Variants in ITGAV observed in about 807,000 individuals in gnomAD.
ITGAV encodes the protein integrin alpha-V.
A neutral mutation model predicts 143.8 loss-of-function variants in ITGAV; 76 were observed. The ratio of observed to expected loss-of-function variants is 0.53; its 90% CI spans 0.44 to 0.64. The LOEUF (loss-of-function observed/expected upper bound fraction) is 0.64, where lower values mean the gene tolerates loss of function less well. Among genes scored for constraint, ITGAV ranks in the 30% least tolerant of loss-of-function variants. The pLI is 0.00. For synonymous variants in ITGAV, 453 were observed against 446.7 expected, an observed-to-expected ratio of 1.01 and a Z score of -0.18; for missense variants, 1,193 against 1,274.7, an observed-to-expected ratio of 0.94 and a Z score of 0.98.
At chr2:186,666,524 G>A (rs1688901817) in intron 21 of ITGAV, among the ~76,000 whole-genome samples, 180 bp from the exon 22 acceptor site, 1 of 152,094 alleles carries the variant, frequency 6.6e-6, no homozygotes, top group Non-Finnish European at 1.5e-5. Flanking sequence ...TTATGGATTG[G>A]TCCAGGTATA....
At chr2:186,616,708 A>C (rs1181155486) in intron 2 of ITGAV, among the ~76,000 whole-genome samples, 3 of 152,064 alleles carry the variant, frequency 2.0e-5, no homozygotes, top group Non-Finnish European at 4.4e-5. Flanking sequence ...ATTTTATATA[A>C]TTATATATTA....
chr2:186,633,235 A>C, intron 5 of ITGAV, 94 bp from the exon 6 acceptor site: 1 of 666,916 alleles, frequency 1.5e-6, no homozygotes, highest in East Asian at 2.8e-5. Flanking sequence ...TCATGTATAC[A>C]TATACATATA....
intron 2 of ITGAV, among the ~76,000 whole-genome samples, chr2:186,603,796 T>G (rs1196380948): frequency 6.6e-6 from 1 of 152,154 alleles, no homozygotes; most frequent in African/African-American, 2.4e-5. Flanking sequence ...TAAAACAAAT[T>G]TTAAAGAGTC....
rs764258113 is a variant in ITGAV at position 186,625,528 on chromosome 2, T to C, written c.464T>C (p.Val155Ala). 12 of 1,613,914 alleles carry C rather than the reference T, an allele frequency of 7.4e-6. No homozygotes were observed. The Admixed American group carries it at 2.0e-4, about 27-fold the overall frequency. The change falls in exon 4 of 30, where the codon GTT (valine) becomes GCT (alanine). Residue 155 changes from valine (V) to alanine (A), a missense_variant. By Grantham distance (64) the Val-to-Ala change is moderately conservative. Transcript: ENST00000261023. ...GAGATGAAACAGGAGCGAGAGCCTG[T>C]TGGAACATGCTTTCTTCAAGATGGA... ...RTEMKQEREP[V>A]GTCFLQDGTK... is the part of the protein sequence containing the mutation.
At chr2:186,599,369 A>G (rs143848089) in intron 1 of ITGAV, among the ~76,000 whole-genome samples, 42 of 152,258 alleles carry the variant, frequency 2.8e-4, no homozygotes, top group Non-Finnish European at 5.4e-4. Flanking sequence ...AATAACCCCA[A>G]CTGTGTTCTG....
Position 186,603,353 on chromosome 2 carries a change from A to G in ITGAV, c.316+1202A>G, listed in dbSNP as rs61763626. On this transcript the variant is annotated intron_variant, in intron 2 of 29. Coordinates refer to ENST00000261023, the MANE Select transcript of ITGAV (RefSeq NM_002210.5). The stretch of plus-strand genomic sequence containing the variant: ...GAAATATGTCAGTGAAACAGGAATC[A>G]TGATGTGGACTGTTCCATTTGACAT... Among the ~76,000 whole-genome samples, 972 of 152,330 alleles carry G rather than the reference A, an allele frequency of 6.4e-3. 13 individuals carry two copies. Among genetic ancestry groups the G allele is most frequent in the African/African-American group, 0.022 (927 of 41,580 alleles).
intron 2 of ITGAV, among the ~76,000 whole-genome samples, chr2:186,604,322 C>G (rs200135263): frequency 4.6e-5 from 7 of 151,888 alleles, no homozygotes; most frequent in Admixed American, 2.0e-4. Flanking sequence ...ATTTCCTTAT[C>G]GGCATATGAA....
chr2:186,665,532 T>A lies in ITGAV; in HGVS notation c.2166+314T>A, dbSNP rs552808494. Among the ~76,000 whole-genome samples, 8 of 152,190 alleles carry A rather than the reference T, an allele frequency of 5.3e-5. No homozygotes were observed. The East Asian group carries it at 1.5e-3, about 29-fold the overall frequency. On this transcript the variant is annotated intron_variant, in intron 21 of 29. Transcript: ENST00000261023. ...TATTTTACACTGATGCCTTAATGGATCCTGAAAAGCTACTCTGGCAACTAC... is the reference window on the plus strand; with the variant it reads ...TATTTTACACTGATGCCTTAATGGAACCTGAAAAGCTACTCTGGCAACTAC...
chr2:186,607,281 A>G (rs903581665), intron 2 of ITGAV, among the ~76,000 whole-genome samples: 8 of 152,198 alleles, frequency 5.3e-5, no homozygotes, highest in African/African-American at 1.9e-4. Context: ...TTTATGAAAC[A>G]GTCTCAAGAA....
At chr2:186,651,272 T>C (rs1688420984) in intron 14 of ITGAV, among the ~76,000 whole-genome samples, 2 of 152,238 alleles carry the variant, frequency 1.3e-5, no homozygotes, top group Admixed American at 1.3e-4. Context: ...TTCAGATCTT[T>C]ATCATTTTGA....
At chr2:186,628,620 A>G (rs773601276) in intron 4 of ITGAV, among the ~76,000 whole-genome samples, 1 of 152,066 alleles carries the variant, frequency 6.6e-6, no homozygotes, top group Admixed American at 6.6e-5. Flanking sequence ...ACACCACTAC[A>G]CTGCACTATG....
chr2:186,622,485 A>G (rs889168900), intron 3 of ITGAV, 55 bp downstream of exon 3: 38 of 1,152,200 alleles, frequency 3.3e-5, no homozygotes, highest in Non-Finnish European at 2.2e-5. Context: ...ATGTGGAGAC[A>G]CAGAAGGTTT....
At chr2:186,646,382 G>C (rs931557309) in intron 12 of ITGAV, among the ~76,000 whole-genome samples, 3 of 152,170 alleles carry the variant, frequency 2.0e-5, no homozygotes, top group Non-Finnish European at 4.4e-5. Context: ...ATTGGTTTAA[G>C]GTCAGAGCCA....
chr2:186,602,292 C>A, intron 2 of ITGAV, 141 bp downstream of exon 2: 3 of 580,312 alleles, frequency 5.2e-6, no homozygotes, highest in South Asian at 3.3e-5. Flanking sequence ...TAAAGACAAA[C>A]GATTTATTAT....
intron 2 of ITGAV, among the ~76,000 whole-genome samples, chr2:186,602,995 G>C (rs1050240751): frequency 2.6e-5 from 4 of 151,986 alleles, no homozygotes; most frequent in African/African-American, 9.7e-5. Context: ...GATAACAGGA[G>C]AATTTTAGGG....
chr2:186,604,552 G>A (rs545679400), intron 2 of ITGAV, among the ~76,000 whole-genome samples: 52 of 152,278 alleles, frequency 3.4e-4, no homozygotes, highest in African/African-American at 1.2e-3. Context: ...TATATTTAAA[G>A]TTTTGTTAGG....
Position 186,593,705 on chromosome 2 carries a change from G to A in ITGAV, c.185+3182G>A, listed in dbSNP as rs188368189. Reference sequence around the variant, plus strand: ...CCACACCACCGGGGGGAAGTAAGGGGAAGCAGATATACTCATTCTTACAGA... The same window carrying A: ...CCACACCACCGGGGGGAAGTAAGGGAAAGCAGATATACTCATTCTTACAGA... On this transcript the variant is annotated intron_variant, in intron 1 of 29. Coordinates refer to ENST00000261023, the MANE Select transcript of ITGAV (RefSeq NM_002210.5). 4.6e-5 allele frequency among the ~76,000 whole-genome samples: 7 copies of A among 152,246 alleles called. No homozygotes were observed. In the East Asian group the frequency reaches 1.4e-3, roughly 29 times the overall value.
intron 16 of ITGAV, among the ~76,000 whole-genome samples, 155 bp from the exon 17 acceptor site, chr2:186,656,092 G>A (rs1439606846): frequency 6.6e-6 from 1 of 151,924 alleles, no homozygotes; most frequent in African/African-American, 2.4e-5. Context: ...GAATTAATAT[G>A]TTGTAGTCTC....
rs114575984 is a variant in ITGAV at position 186,592,762 on chromosome 2, G to T, written c.185+2239G>T. 5.7e-3 allele frequency among the ~76,000 whole-genome samples: 862 copies of T among 152,140 alleles called. 13 individuals are homozygous for T. Among genetic ancestry groups the T allele is most frequent in the African/African-American group, 0.02 (823 of 41,494 alleles). ...TAAAGTAAAATTGAACTTGGGTTTG[G>T]TTGCATATAATATTTTGAAATATTC... is the stretch of plus-strand genomic sequence containing the variant. On this transcript the variant is annotated intron_variant, in intron 1 of 29. Transcript: ENST00000261023.
Sources: gnomAD v4.1 joint callset for allele counts (sites outside exome capture counted in the v4.1 genomes callset) on GRCh38, gnomAD v4.1.1 for gene constraint, MANE v1.5 for transcripts, NCBI Gene and HGNC (gene_info 2026-07-23, HGNC 2026-07-21) for gene names.